CAB39L: variants seen among roughly 807,000 people sequenced by gnomAD.
CAB39L encodes the protein calcium-binding protein 39-like.
Under a neutral mutation model 39.1 loss-of-function variants are expected in CAB39L, and 23 were observed. The observed-to-expected ratio is 0.59, with a 90% CI of 0.42 to 0.83. CAB39L has a LOEUF of 0.83. Ranked by LOEUF, CAB39L falls within the 40% of genes least tolerant of loss-of-function variation. The pLI is 0.00. For synonymous variants in CAB39L, 126 were observed against 137.2 expected, an observed-to-expected ratio of 0.92 and a Z score of 0.57; for missense variants, 366 against 391.9, an observed-to-expected ratio of 0.93 and a Z score of 0.56.
At chr13:49,312,772 T>C (rs1395439941) in intron 10 of CAB39L, among the ~76,000 whole-genome samples, 1 of 152,244 alleles carries the variant, frequency 6.6e-6, no homozygotes, top group Admixed American at 6.5e-5. Context: ...CTTTTAAATA[T>C]TTGTTCTTAA....
intron 3 of CAB39L, among the ~76,000 whole-genome samples, chr13:49,419,559 C>T (rs1885683): frequency 0.42 from 63,734 of 151,852 alleles, 13,688 homozygotes; most frequent in Non-Finnish European, 0.47. Context: ...GCCTGGGCAA[C>T]AGAGAGAAAA....
chr13:49,384,771 G>A (rs2138598548), intron 3 of CAB39L, among the ~76,000 whole-genome samples: 1 of 152,076 alleles, frequency 6.6e-6, no homozygotes, highest in East Asian at 1.9e-4. Flanking sequence ...TGGATGATGA[G>A]GTACATTGTC....
intron 5 of CAB39L, among the ~76,000 whole-genome samples, chr13:49,370,371 G>A (rs1454518856): frequency 6.6e-6 from 1 of 152,058 alleles, no homozygotes; most frequent in East Asian, 1.9e-4. Context: ...TTCTCTGCAG[G>A]CTGGCTTCTT....
At chr13:49,380,159 CTCAT>C (rs1956223024) in intron 4 of CAB39L, among the ~76,000 whole-genome samples, 1 of 152,136 alleles carries the variant, frequency 6.6e-6, no homozygotes, top group African/African-American at 2.4e-5. Flanking sequence ...TTAAACCACA[CTCAT>C]TGTCTAATTT....
chr13:49,319,748 G>A (rs1445186787), intron 10 of CAB39L, among the ~76,000 whole-genome samples: 1 of 151,708 alleles, frequency 6.6e-6, no homozygotes, highest in Non-Finnish European at 1.5e-5. Context: ...TGTTTACAAG[G>A]GAGTTGCTGT....
chr13:49,348,929 C>T (rs937028598), intron 7 of CAB39L, among the ~76,000 whole-genome samples: 2 of 152,194 alleles, frequency 1.3e-5, no homozygotes, highest in African/African-American at 4.8e-5. Flanking sequence ...CCTCACCCTC[C>T]GCCAGGCATT....
At chr13:49,433,764 G>C (rs186996066) in intron 2 of CAB39L, among the ~76,000 whole-genome samples, 1 of 152,236 alleles carries the variant, frequency 6.6e-6, no homozygotes, top group African/African-American at 2.4e-5. Flanking sequence ...AAAAGGCTGT[G>C]GGAAGGCTTT....
intron 3 of CAB39L, among the ~76,000 whole-genome samples, chr13:49,431,418 A>T (rs1260406861): frequency 6.6e-6 from 1 of 152,076 alleles, no homozygotes; most frequent in African/African-American, 2.4e-5. Context: ...CTTAAAAAAT[A>T]AAAAAAGGCT....
At chr13:49,422,333 G>C (rs1957183257) in intron 3 of CAB39L, among the ~76,000 whole-genome samples, 2 of 152,212 alleles carry the variant, frequency 1.3e-5, no homozygotes, top group Non-Finnish European at 2.9e-5. Flanking sequence ...AGCACTTTGG[G>C]AGGCCCAGGT....
At chr13:49,354,943 CTT>C (rs1335731632) in intron 6 of CAB39L, among the ~76,000 whole-genome samples, 1 of 152,144 alleles carries the variant, frequency 6.6e-6, no homozygotes, top group African/African-American at 2.4e-5. Context: ...GGGAAAATGA[CTT>C]TTGTGATTAT....
chr13:49,352,688 G>A (rs1408945246), intron 6 of CAB39L, among the ~76,000 whole-genome samples: 4 of 152,160 alleles, frequency 2.6e-5, no homozygotes, highest in Non-Finnish European at 5.9e-5. Context: ...CTACTCAGGA[G>A]GCTGAGGTGG....
At chr13:49,387,554 G>A (rs1956393269) in intron 3 of CAB39L, among the ~76,000 whole-genome samples, 1 of 152,228 alleles carries the variant, frequency 6.6e-6, no homozygotes, top group African/African-American at 2.4e-5. Context: ...ACTGACAATG[G>A]CCCTGTTATA....
chr13:49,335,170 A>G (rs1270728911), intron 9 of CAB39L, among the ~76,000 whole-genome samples: 2 of 152,238 alleles, frequency 1.3e-5, no homozygotes, highest in Non-Finnish European at 2.9e-5. Flanking sequence ...ATATATACAA[A>G]AATAATCAAA....
Position 49,434,207 on chromosome 13 carries a change from A to G in CAB39L, c.-229T>C. The G allele has an allele frequency of 2.2e-6, 1 of 454,126 alleles. No homozygotes were observed. The highest frequency in any genetic ancestry group is 1.6e-5 in the South Asian group (1 of 63,924). 28.1% of individuals were successfully genotyped at this position (454,126 alleles called of 1,614,324 possible). ...TTTGCTCCTGATATTCTTTCTTCTC[A>G]ATATTTGATGGATATCCTGCAATAA... On this transcript the variant is annotated 5_prime_UTR_variant, in exon 2 of 11. It removes the in-frame stop codon of an upstream open reading frame in the 5' UTR. Transcript: ENST00000409308.
chr13:49,385,464 G>A (rs1312289240), intron 3 of CAB39L, among the ~76,000 whole-genome samples: 1 of 152,192 alleles, frequency 6.6e-6, no homozygotes, highest in Non-Finnish European at 1.5e-5. Flanking sequence ...CACTGGAGTA[G>A]CACTTTTCAT....
Position 49,351,447 on chromosome 13 carries a change from G to A in CAB39L, c.396-535C>T, listed in dbSNP as rs544438254. ...AAAGCCTGTGTGATTCGATTGTAGA[G>A]GAAGAACCGTGAGTGGTGTGAAATG... On this transcript the variant is annotated intron_variant, in intron 6 of 10. Coordinates refer to ENST00000409308, the MANE Select transcript of CAB39L (RefSeq NM_001079670.3). Among the ~76,000 whole-genome samples, 9 of 152,278 alleles carry A rather than the reference G, an allele frequency of 5.9e-5. No homozygotes were observed. The South Asian group carries it at 1.9e-3, about 32-fold the overall frequency.
At chr13:49,311,022 A>C (rs1191043138) in intron 10 of CAB39L, 29 bp from the exon 11 acceptor site, 13 of 1,603,230 alleles carry the variant, frequency 8.1e-6, no homozygotes, top group Non-Finnish European at 1.1e-5. Flanking sequence ...AATACTTAGG[A>C]GTGCAAGCCA....
intron 10 of CAB39L, among the ~76,000 whole-genome samples, chr13:49,324,753 C>G (rs1593910498): frequency 6.6e-6 from 1 of 152,196 alleles, no homozygotes; most frequent in Admixed American, 6.5e-5. Flanking sequence ...GGAAAGTGTT[C>G]TGTACGCTAC....
chr13:49,344,849 T>A (rs190943153), intron 7 of CAB39L, among the ~76,000 whole-genome samples: 1 of 152,318 alleles, frequency 6.6e-6, no homozygotes, highest in African/African-American at 2.4e-5. Context: ...CATTTAGCAG[T>A]GTCAAACCAG....
Sources: gnomAD v4.1 joint callset for allele counts (sites outside exome capture counted in the v4.1 genomes callset) on GRCh38, gnomAD v4.1.1 for gene constraint, MANE v1.5 for transcripts, NCBI Gene and HGNC (gene_info 2026-07-23, HGNC 2026-07-21) for gene names.